Variants in PAPSS2 observed in about 807,000 individuals in gnomAD.
PAPSS2 encodes the protein bifunctional 3'-phosphoadenosine 5'-phosphosulfate synthase 2.
Under a neutral mutation model 66.5 loss-of-function variants are expected in PAPSS2, and 61 were observed. The ratio of observed to expected loss-of-function variants is 0.92; its 90% CI spans 0.75 to 1.14. The LOEUF is 1.14. Ranked by LOEUF, PAPSS2 falls within the 50% of genes most tolerant of loss-of-function variation. The pLI is 0.00. For synonymous variants in PAPSS2, 289 were observed against 287.5 expected (o/e 1.01, Z -0.05); for missense variants, 708 against 789.6 (o/e 0.90, Z 1.24).
At chr10:87,717,968 C>T (rs1853551562) in intron 7 of PAPSS2, among the ~76,000 whole-genome samples, 1 of 152,204 alleles carries the variant, frequency 6.6e-6, no homozygotes, top group South Asian at 2.1e-4. Context: ...CTTTCTTTTA[C>T]ACTGTCTCAA....
chr10:87,721,663 T>C, intron 7 of PAPSS2, 93 bp from the exon 8 acceptor site: 1 of 814,730 alleles, frequency 1.2e-6, no homozygotes, highest in Non-Finnish European at 2.1e-6. Flanking sequence ...ATGTGAAGTG[T>C]CATAATAGGA....
intron 9 of PAPSS2, among the ~76,000 whole-genome samples, chr10:87,736,746 T>A (rs1853806366): frequency 6.6e-6 from 1 of 152,236 alleles, no homozygotes; most frequent in African/African-American, 2.4e-5. Context: ...TATGCCTTAA[T>A]CACAAACTGG....
At chr10:87,710,226 T>G (rs1853446879) in intron 2 of PAPSS2, among the ~76,000 whole-genome samples, 1 of 152,204 alleles carries the variant, frequency 6.6e-6, no homozygotes, top group African/African-American at 2.4e-5. Flanking sequence ...CCTAAATCTT[T>G]GCCCTTTTCT....
intron 9 of PAPSS2, among the ~76,000 whole-genome samples, chr10:87,738,001 CTT>C (rs1853821412): frequency 6.6e-6 from 1 of 152,198 alleles, no homozygotes; most frequent in Non-Finnish European, 1.5e-5. Flanking sequence ...GCTTATTTCA[CTT>C]AGCCTAATGT....
At chr10:87,728,835 T>G (rs1853691779) in intron 9 of PAPSS2, among the ~76,000 whole-genome samples, 1 of 152,226 alleles carries the variant, frequency 6.6e-6, no homozygotes, top group Non-Finnish European at 1.5e-5. Flanking sequence ...GTCTTCATTT[T>G]TGTTACAAAA....
chr10:87,688,866 TACTC>T (rs1214364740), intron 1 of PAPSS2, among the ~76,000 whole-genome samples: 1 of 152,168 alleles, frequency 6.6e-6, no homozygotes, highest in Non-Finnish European at 1.5e-5. Flanking sequence ...CTTGAAGTGA[TACTC>T]ACATTCAGTT....
At chr10:87,673,546 A>C (rs1384200869) in intron 1 of PAPSS2, among the ~76,000 whole-genome samples, 1 of 148,264 alleles carries the variant, frequency 6.7e-6, no homozygotes, top group Non-Finnish European at 1.5e-5. Context: ...TATTTTTCTT[A>C]GCTGTGTGTG....
intron 7 of PAPSS2, among the ~76,000 whole-genome samples, chr10:87,716,777 C>T (rs953900852): frequency 6.6e-6 from 1 of 152,176 alleles, no homozygotes; most frequent in African/African-American, 2.4e-5. Flanking sequence ...CACCCCACAA[C>T]CTGAATCCTT....
Position 87,715,088 on chromosome 10 carries a change from C to T in PAPSS2, c.743C>T (p.Ser248Leu). The change falls in exon 6 of 13, where the codon TCA (serine) becomes TTA (leucine). Residue 248 changes from serine to leucine, a missense_variant. Ser to Leu is a moderately radical substitution (Grantham distance 145, BLOSUM62 -2). Coordinates refer to ENST00000456849, the MANE Select transcript of PAPSS2 (RefSeq NM_001015880.2). Reference protein sequence around the residue: ...RAEAETLPSLSITKLDLQWVQ... With the variant: ...RAEAETLPSLLITKLDLQWVQ... ...GAGGCTGAAACTCTCCCTTCATTAT[C>T]AATTACTAAGGTAAGTGGGTGCAGA... 1 of 1,593,118 alleles carries T rather than the reference C, an allele frequency of 6.3e-7. No homozygotes were observed. Among genetic ancestry groups the T allele is most frequent in the Non-Finnish European group, 8.6e-7 (1 of 1,160,896 alleles).
At chr10:87,701,377 T>C (rs1048649045) in intron 1 of PAPSS2, among the ~76,000 whole-genome samples, 7 of 108,504 alleles carry the variant, frequency 6.5e-5, no homozygotes, top group African/African-American at 1.3e-4. Context: ...TCTTTCTTTC[T>C]TTCTTTCTTT....
intron 3 of PAPSS2, 24 bp downstream of exon 3, chr10:87,713,334 A>AT (rs764919253): frequency 1.9e-5 from 22 of 1,180,872 alleles, no homozygotes; most frequent in Non-Finnish European, 2.4e-5. Flanking sequence ...AAAAAAAAAA[A>AT]GGCACTACAC....
chr10:87,681,057 G>A (rs917482158), intron 1 of PAPSS2, among the ~76,000 whole-genome samples: 4 of 152,120 alleles, frequency 2.6e-5, no homozygotes, highest in Non-Finnish European at 5.9e-5. Context: ...TCTTTTTCTA[G>A]TTGTTACAAC....
intron 9 of PAPSS2, among the ~76,000 whole-genome samples, chr10:87,739,863 C>T (rs980918522): frequency 3.3e-5 from 5 of 152,152 alleles, no homozygotes; most frequent in African/African-American, 1.2e-4. Flanking sequence ...GCTGTAAAAG[C>T]GATTATTAAA....
chr10:87,676,371 T>C (rs937836449), intron 1 of PAPSS2, among the ~76,000 whole-genome samples: 1 of 152,166 alleles, frequency 6.6e-6, no homozygotes, highest in Non-Finnish European at 1.5e-5. Context: ...TTGATAGACA[T>C]GAGTATTAGG....
chr10:87,742,579 T>C (rs1184184334), intron 10 of PAPSS2, among the ~76,000 whole-genome samples: 2 of 152,168 alleles, frequency 1.3e-5, no homozygotes, highest in East Asian at 3.8e-4. Flanking sequence ...ATTATTTCAT[T>C]ATCAGAAAAA....
Position 87,659,913 on chromosome 10 carries a change from C to T in PAPSS2, c.-69C>T, listed in dbSNP as rs1371256777. 5.8e-6 allele frequency: 9 copies of T among 1,559,262 alleles called. No individual in the cohort carries two copies. The highest frequency in any genetic ancestry group is 1.4e-5 in the African/African-American group (1 of 73,852). On this transcript the variant is annotated 5_prime_UTR_variant, in exon 1 of 13. Transcript: ENST00000456849. ...GCTGCTGCTGCTGCTGCTGCCGCCG[C>T]CGCCGCCGCCGTCCCTGCGTCCTTC...
chr10:87,713,990 T>G (rs1757784933), intron 3 of PAPSS2, 54 bp from the exon 4 acceptor site: 1 of 1,600,402 alleles, frequency 6.2e-7, no homozygotes, highest in East Asian at 2.2e-5. Context: ...GTTTTGTGAT[T>G]TAGAATTTCA....
intron 1 of PAPSS2, among the ~76,000 whole-genome samples, chr10:87,696,745 T>A (rs550383936): frequency 6.6e-6 from 1 of 152,364 alleles, no homozygotes; most frequent in Non-Finnish European, 1.5e-5. Flanking sequence ...AATCCAGCAA[T>A]GCAGAAACTG....
chr10:87,693,403 C>A (rs1196492883), intron 1 of PAPSS2, among the ~76,000 whole-genome samples: 3 of 152,206 alleles, frequency 2.0e-5, no homozygotes, highest in African/African-American at 7.2e-5. Flanking sequence ...AGAGAGTGAA[C>A]AACCTTTGCA....
Sources: allele counts gnomAD v4.1 joint callset (sites outside exome capture counted in the v4.1 genomes callset), GRCh38; gene constraint gnomAD v4.1.1; transcripts MANE v1.5; gene names NCBI Gene and HGNC (gene_info 2026-07-23, HGNC 2026-07-21).